TUG1: variants seen among roughly 807,000 people sequenced by gnomAD.
The protein encoded by TUG1 is taurine up-regulated 1.
At chr22:30,971,337 A>G (rs748373200) in exon 1 of TUG1, 1 of 152,326 alleles carries the variant, frequency 6.6e-6, no homozygotes, top group Admixed American at 6.6e-5. Context: ...TTAAATCCGG[A>G]TGTACCTCAA....
chr22:30,977,508 G>T (rs759337434), exon 3 of TUG1: 4 of 152,204 alleles, frequency 2.6e-5, no homozygotes, highest in Non-Finnish European at 5.9e-5. Flanking sequence ...GAAAGCTGAT[G>T]TACCTGACTG....
At chr22:30,971,984 T>C (rs2041236571) in intron 1 of TUG1, 1 of 152,274 alleles carries the variant, frequency 6.6e-6, no homozygotes, top group African/African-American at 2.4e-5. Flanking sequence ...TTTCGTTATG[T>C]ATCCTCTATC....
At chr22:30,972,057 T>C (rs1010416056) in intron 1 of TUG1, 1 of 152,232 alleles carries the variant, frequency 6.6e-6, no homozygotes, top group African/African-American at 2.4e-5. Flanking sequence ...GATAGCAGAC[T>C]CCTTGAAAGC....
chr22:30,972,645 CAAATCGAG>C (rs1447965939), intron 1 of TUG1: 1 of 152,632 alleles, frequency 6.6e-6, no homozygotes, highest in Non-Finnish European at 1.5e-5. Flanking sequence ...ACAGTTCCCA[CAAATCGAG>C]AGTGTTAATC....
In TUG1 at chr22:30,977,737, A is replaced by T. The variant is rs9363; in HGVS notation, c.*5262A>T. 4.6e-3 allele frequency: 700 copies of T among 152,068 alleles called. 3 individuals are homozygous for T. The highest frequency in any genetic ancestry group is 0.017 in the Middle Eastern group (5 of 296). The allele number at this position is 152,068 out of a possible 1,614,324, so 9.4% of individuals were successfully genotyped here. ...CTTTTTCACATGTTGCTGCAATTAGACTCACCGTGAGGACTACAGTCAATT... is the reference window on the plus strand; with the variant it reads ...CTTTTTCACATGTTGCTGCAATTAGTCTCACCGTGAGGACTACAGTCAATT... On this transcript the variant is annotated 3_prime_UTR_variant, in exon 3 of 3. Transcript: ENST00000644773.
At chr22:30,971,406 A>C in exon 1 of TUG1, 1 of 152,780 alleles carries the variant, frequency 6.5e-6, no homozygotes. Context: ...GAAAAAAAAC[A>C]ACTGGAACTC....
At chr22:30,973,902 A>G (rs2041257254) in intron 2 of TUG1, 1 of 152,144 alleles carries the variant, frequency 6.6e-6, no homozygotes, top group South Asian at 2.1e-4. Context: ...CCCTAGTCAC[A>G]TAGGATGTGT....
chr22:30,975,025 G>A (rs1030847225), intron 2 of TUG1, 145 bp from the exon 3 acceptor site: 1 of 152,310 alleles, frequency 6.6e-6, no homozygotes, highest in Non-Finnish European at 1.5e-5. Flanking sequence ...CCCAACTGCA[G>A]GCAATCAAAA....
At chr22:30,972,179 G>A (rs1602529658) in intron 1 of TUG1, 1 of 152,164 alleles carries the variant, frequency 6.6e-6, no homozygotes, top group African/African-American at 2.4e-5. Flanking sequence ...CTCAGTAAGT[G>A]TTTTCTTAAT....
exon 3 of TUG1, chr22:30,976,094 T>C (rs1423699993): frequency 6.6e-6 from 1 of 152,034 alleles, no homozygotes; most frequent in African/African-American, 2.4e-5. Flanking sequence ...CTGAATTCTT[T>C]TTTCTTCATC....
At chr22:30,971,988 C>G (rs1032643153) in intron 1 of TUG1, 3 of 152,204 alleles carry the variant, frequency 2.0e-5, no homozygotes, top group African/African-American at 7.2e-5. Context: ...GTTATGTATC[C>G]TCTATCTGTA....
chr22:30,977,793 A>G (rs2041306239), exon 3 of TUG1: 1 of 152,128 alleles, frequency 6.6e-6, no homozygotes, highest in Non-Finnish European at 1.5e-5. Context: ...TACAACAAGG[A>G]TTTTTAATAG....
chr22:30,977,743 C>T (rs1024142509), exon 3 of TUG1: 1 of 152,130 alleles, frequency 6.6e-6, no homozygotes. Context: ...TTAGACTCAC[C>T]GTGAGGACTA....
chr22:30,973,338 G>A (rs7284767), exon 2 of TUG1: 61,426 of 151,998 alleles, frequency 0.4, 13,463 homozygotes, highest in East Asian at 0.66. Flanking sequence ...CTAGGATCCC[G>A]TGAAGGTCAC....
exon 3 of TUG1, chr22:30,976,040 A>G (rs1035771600): frequency 4.0e-5 from 6 of 150,796 alleles, no homozygotes; most frequent in Non-Finnish European, 5.9e-5. Context: ...TACTGTTTCC[A>G]AGATAAATGA....
chr22:30,977,212 A>G (rs771171053), exon 3 of TUG1: 9 of 152,198 alleles, frequency 5.9e-5, no homozygotes, highest in Non-Finnish European at 1.2e-4. Context: ...GAGTCTGTAT[A>G]CTGTCTCCAT....
exon 1 of TUG1, chr22:30,971,672 C>T (rs149830500): frequency 1.1e-3 from 176 of 153,244 alleles, no homozygotes; most frequent in Admixed American, 1.9e-3. Flanking sequence ...AAAGAGACAA[C>T]GACTGAGCAA....
chr22:30,976,720 T>G (rs1445562467), exon 3 of TUG1: 1 of 152,180 alleles, frequency 6.6e-6, no homozygotes, highest in African/African-American at 2.4e-5. Flanking sequence ...ATGAGAAAAC[T>G]CATTCTTTAC....
At chr22:30,979,131 A>G (rs1344419885) in exon 3 of TUG1, 3 of 152,226 alleles carry the variant, frequency 2.0e-5, no homozygotes, top group African/African-American at 7.2e-5. Flanking sequence ...ATCTGTTAAA[A>G]TGAATAAAGT....
Sources: allele counts gnomAD v4.1 joint callset, GRCh38; gene constraint gnomAD v4.1.1; transcripts MANE v1.5; gene names NCBI Gene and HGNC (gene_info 2026-07-23, HGNC 2026-07-21).